The following MUC21 variants were observed in gnomAD, a reference collection of about 807,000 sequenced individuals.
MUC21 encodes the protein mucin-21.
Under a neutral mutation model 9.1 loss-of-function variants are expected in MUC21, and 8 were observed. The observed-to-expected ratio is 0.88, with a 90% CI of 0.52 to 1.59. MUC21 has a LOEUF of 1.59. MUC21 is among the 40% of genes most tolerant of loss of function. The probability of loss-of-function intolerance (pLI) is 0.00; values close to 1 mark genes in which losing one functional copy is unlikely to be tolerated. For synonymous variants in MUC21, 189 were observed against 275.2 expected (o/e 0.69, Z 3.10); for missense variants, 478 against 694.2 (o/e 0.69, Z 3.50).
rs1490727300 is a variant in MUC21, at chr6:30,987,599, T to C, written c.1424T>C (p.Leu475Pro). 6.2e-7 allele frequency: 1 copy of C among 1,614,224 alleles called. No individual in the cohort carries two copies. The highest frequency in any genetic ancestry group is 8.5e-7 in the Non-Finnish European group (1 of 1,180,040). The change falls in exon 2 of 3, where the codon CTG becomes CCG. Residue 475 changes from leucine to proline, a missense_variant. By Grantham distance (98) the Leu-to-Pro change is moderately conservative (BLOSUM62 -3). This residue lies in a region of MUC21 where 158 missense variants were observed against 192.6 expected (regional missense o/e 0.82). Transcript: ENST00000376296. Reference protein sequence around the residue: ...AVSEAKPGGSLVPWEIFLITL... With the variant: ...AVSEAKPGGSPVPWEIFLITL... ...AGTGAGGCGAAGCCTGGTGGGTCCC[T>C]GGTGCCGTGGGAAATCTTCCTCATC...
In MUC21 at chr6:30,988,185, C is replaced by G. The variant is rs745623665; in HGVS notation, c.1692C>G (p.Ser564Arg). The G allele has an allele frequency of 6.2e-7, 1 of 1,611,172 alleles. No homozygotes were observed. The highest frequency in any genetic ancestry group is 8.5e-7 in the Non-Finnish European group (1 of 1,179,576). ...CCATGGAGATGAGCGGGAGGAACAG[C>G]GGGCCCTGAGCAGCCCCGGAAGCAA... ...SIAMEMSGRN[S>R]GP The change falls in exon 3 of 3, where the codon AGC (serine) becomes AGG (arginine). Residue 564 changes from serine (S) to arginine (R), a missense_variant. Transcript: ENST00000376296.
intron 1 of MUC21, 28 bp from the exon 2 acceptor site, chr6:30,986,209 T>C (rs1377378010): frequency 1.9e-6 from 3 of 1,579,830 alleles, no homozygotes; most frequent in East Asian, 2.2e-5. Context: ...ACACACAATA[T>C]ATATTTGTCA....
intron 1 of MUC21, 148 bp from the exon 2 acceptor site, chr6:30,986,089 A>G: frequency 1.2e-6 from 1 of 810,756 alleles, no homozygotes; most frequent in Non-Finnish European, 1.9e-6. Context: ...TGAAGCCTCA[A>G]TTTCTTCATC....
At position 30,987,695 on chromosome 6, in the gene MUC21, A is replaced by G; in HGVS notation, c.1506+14A>G. The stretch of plus-strand genomic sequence containing the variant: ...TTCTTCTGTGTGGTGAGTGCCTAAT[A>G]TGTAAGAAAATGCCTGGGGGAAGGA... On this transcript the variant is annotated intron_variant, in intron 2 of 2. Coordinates refer to ENST00000376296, the MANE Select transcript of MUC21 (RefSeq NM_001010909.5). The G allele has an allele frequency of 6.2e-7, 1 of 1,607,740 alleles. No individual in the cohort carries two copies. The highest frequency in any genetic ancestry group is 1.1e-5 in the South Asian group (1 of 90,704).
At chr6:30,986,196 T>C in intron 1 of MUC21, 41 bp from the exon 2 acceptor site, 1 of 1,541,216 alleles carries the variant, frequency 6.5e-7, no homozygotes, top group Non-Finnish European at 8.8e-7. Context: ...GCAGAAAGTA[T>C]ATACACACAA....
At position 30,988,107 on chromosome 6, in the gene MUC21, C is replaced by G. The variant is rs568295420; in HGVS notation, c.1614C>G (p.His538Gln). Residue 538 changes from histidine (H) to glutamine (Q), a missense_variant, in exon 3 of 3, where the codon CAC becomes CAG. Transcript: ENST00000376296. ...PGPGGNHGAP[H>Q]RPRWSPNWFW... ...CTGGAGGGAATCATGGAGCCCCCCA[C>G]AGGCCCAGGTGGAGTCCTAACTGGT... 7.4e-6 allele frequency: 12 copies of G among 1,612,850 alleles called. No individual in the cohort carries two copies. The African/African-American group carries it at 1.6e-4, about 22-fold the overall frequency.
At chr6:30,984,161 G>C in intron 1 of MUC21, 142 bp downstream of exon 1, 1 of 608,758 alleles carries the variant, frequency 1.6e-6, no homozygotes, top group Non-Finnish European at 3.0e-6. Flanking sequence ...AGCCTAACAA[G>C]GTATGTCATG....
At position 30,987,637 on chromosome 6, in the gene MUC21, G is replaced by T. The variant is rs1304046276; in HGVS notation, c.1462G>T (p.Val488Phe). 1.9e-6 allele frequency: 3 copies of T among 1,614,108 alleles called. No individual in the cohort carries two copies. Among genetic ancestry groups the T allele is most frequent in the South Asian group, 2.2e-5 (2 of 91,078 alleles). Residue 488 changes from valine to phenylalanine, a missense_variant, in exon 2 of 3, where the codon GTT (valine) becomes TTT (phenylalanine). Val to Phe is a conservative substitution (Grantham distance 50). Transcript: ENST00000376296. The stretch of plus-strand genomic sequence containing the variant: ...AATCTTCCTCATCACCCTGGTCTCG[G>T]TTGTGGCGGCCGTGGGGCTCTTTGC... ...WEIFLITLVSVVAAVGLFAGL... is the reference protein window; with the variant it reads ...WEIFLITLVSFVAAVGLFAGL...
At position 30,984,828 on chromosome 6, in the gene MUC21, AGCCTGGCGGGGTGGCTTAT is replaced by A. The variant is rs539059181; in HGVS notation, c.61+815_61+833del. 1.9e-3 allele frequency among the ~76,000 whole-genome samples: 281 copies of A among 150,140 alleles called. 1 individual carries two copies. Among genetic ancestry groups the A allele is most frequent in the African/African-American group, 6.2e-3 (252 of 40,722 alleles). ...CATCTCTACTAAAAGTACAAAAATTAGCCTGGCGGGGTGGCTTATGCCTGTAATCCTAGCTACTCAGGAG... is the reference window on the plus strand; with the variant it reads ...CATCTCTACTAAAAGTACAAAAATTAGCCTGTAATCCTAGCTACTCAGGAG... On this transcript the variant is annotated intron_variant, in intron 1 of 2. Coordinates refer to ENST00000376296, the MANE Select transcript of MUC21 (RefSeq NM_001010909.5).
Position 30,988,321 on chromosome 6 carries a change from A to G in MUC21, c.*127A>G, listed in dbSNP as rs1382486142. The G allele has an allele frequency of 6.1e-6, 5 of 822,384 alleles. No homozygotes were observed. The East Asian group carries it at 1.3e-4, about 22-fold the overall frequency. The allele number at this position is 822,384 out of a possible 1,614,324, so 50.9% of individuals were successfully genotyped here. A position where few individuals can be genotyped will look rare whatever the true frequency, so the allele number is the denominator to read the frequency against. ...GTTTGAGATCCTGAAAATCTTGAAG[A>G]AGGTATTCCTCACCTTTCTTGCCTT... On this transcript the variant is annotated 3_prime_UTR_variant, in exon 3 of 3. Transcript: ENST00000376296.
Position 30,987,005 on chromosome 6 carries a change from C to T in MUC21, c.830C>T (p.Thr277Ile), listed in dbSNP as rs147069023. 12 of 1,604,608 alleles carry T rather than the reference C, an allele frequency of 7.5e-6. No individual in the cohort carries two copies. The African/African-American group carries it at 1.5e-4, about 20-fold the overall frequency. The change falls in exon 2 of 3, where the codon ACA becomes ATA. Residue 277 changes from threonine (T) to isoleucine (I), a missense_variant. Coordinates refer to ENST00000376296, the MANE Select transcript of MUC21 (RefSeq NM_001010909.5). ...AGTATNSESSTVSSGISTVTN... is the reference protein window; with the variant it reads ...AGTATNSESSIVSSGISTVTN... Reference sequence around the variant, plus strand: ...ACAGCCACCAACTCTGAGTCCAGCACAGTGTCCAGTGGGATCAGCACAGTC... The same window carrying T: ...ACAGCCACCAACTCTGAGTCCAGCATAGTGTCCAGTGGGATCAGCACAGTC...
intron 1 of MUC21, 96 bp downstream of exon 1, chr6:30,984,115 A>G (rs1001610464): frequency 1.4e-6 from 1 of 727,440 alleles, no homozygotes; most frequent in Non-Finnish European, 2.6e-6. Context: ...CTTCTCTTCC[A>G]TAGAGTGAGG....
At position 30,988,398 on chromosome 6, in the gene MUC21, A is replaced by G; in HGVS notation, c.*204A>G. The stretch of plus-strand genomic sequence containing the variant: ...TATTGCTCATTTAGCTAAGAAATAA[A>G]TACATCTCATCTAACACACACGACA... On this transcript the variant is annotated 3_prime_UTR_variant, in exon 3 of 3. Transcript: ENST00000376296. The G allele has an allele frequency of 1.8e-6, 1 of 560,324 alleles. No individual in the cohort carries two copies. The highest frequency in any genetic ancestry group is 3.3e-5 in the Admixed American group (1 of 30,392). 34.7% of individuals were successfully genotyped at this position (560,324 alleles called of 1,614,324 possible). A position where few individuals can be genotyped will look rare whatever the true frequency, so the allele number is the denominator to read the frequency against.
In MUC21 at chr6:30,986,993, C is replaced by G. The variant is rs267600949; in HGVS notation, c.818C>G (p.Ser273Cys). 11 of 1,605,338 alleles carry G rather than the reference C, an allele frequency of 6.9e-6. No homozygotes were observed. Among genetic ancestry groups the G allele is most frequent in the Non-Finnish European group, 9.4e-6 (11 of 1,174,518 alleles). Residue 273 changes from serine (S) to cysteine (C), a missense_variant, in exon 2 of 3, where the codon TCT becomes TGT. Physicochemically the swap from Ser to Cys is moderately radical, Grantham distance 112 (BLOSUM62 -1). Transcript: ENST00000376296. ...TSSGAGTATN[S>C]ESSTVSSGIS... ...AGTGGGGCCGGCACAGCCACCAACTCTGAGTCCAGCACAGTGTCCAGTGGG... is the reference window on the plus strand; with the variant it reads ...AGTGGGGCCGGCACAGCCACCAACTGTGAGTCCAGCACAGTGTCCAGTGGG...
At chr6:30,984,093 G>A in intron 1 of MUC21, 74 bp downstream of exon 1, 1 of 757,426 alleles carries the variant, frequency 1.3e-6, no homozygotes, top group Non-Finnish European at 2.5e-6. Flanking sequence ...ACCACTACTG[G>A]GGCCAGCTCT....
Position 30,987,044 on chromosome 6 carries a change from C to T in MUC21, c.869C>T (p.Ser290Phe), listed in dbSNP as rs1762359343. The T allele has an allele frequency of 6.2e-7, 1 of 1,606,204 alleles. No individual in the cohort carries two copies. The highest frequency in any genetic ancestry group is 8.5e-7 in the Non-Finnish European group (1 of 1,175,110). ...ATCAGCACAGTCACCAATTCTGAGT[C>T]CAGCACACCCTCCAGTGGGGCCAAC... Reference protein sequence around the residue: ...SGISTVTNSESSTPSSGANTA... With the variant: ...SGISTVTNSEFSTPSSGANTA... Residue 290 changes from serine (S) to phenylalanine (F), a missense_variant, in exon 2 of 3, where the codon TCC (serine) becomes TTC (phenylalanine). Ser to Phe is a radical substitution (Grantham distance 155, BLOSUM62 -2). This residue lies in a region of MUC21 where 155 missense variants were observed against 235.2 expected (regional missense o/e 0.66). Transcript: ENST00000376296.
chr6:30,988,483 G>C lies in MUC21; in HGVS notation c.*289G>C. 2.6e-6 allele frequency: 1 copy of C among 378,944 alleles called. No individual in the cohort carries two copies. The highest frequency in any genetic ancestry group is 4.6e-6 in the Non-Finnish European group (1 of 215,448). 23.5% of individuals were successfully genotyped at this position (378,944 alleles called of 1,614,324 possible). On this transcript the variant is annotated 3_prime_UTR_variant, in exon 3 of 3. Transcript: ENST00000376296. ...AGCTCTGAGATGAACTCAGTTATAG[G>C]AGAAAACCTCCATGCTGGACTCCAT... is the stretch of plus-strand genomic sequence containing the variant.
chr6:30,985,303 T>C (rs1362181710), intron 1 of MUC21, among the ~76,000 whole-genome samples: 3 of 152,222 alleles, frequency 2.0e-5, no homozygotes, highest in Non-Finnish European at 4.4e-5. Flanking sequence ...TCTCTAGCCT[T>C]GGCCATAGTG....
Position 30,987,260 on chromosome 6 carries a change from A to G in MUC21, c.1085A>G (p.Asn362Ser), listed in dbSNP as rs552882169. ...TTSSGASTAT[N>S]SGSSTTSSGT... is the part of the protein sequence containing the mutation. ...TCCAGTGGGGCCAGCACAGCCACCA[A>G]CTCTGGGTCCAGCACGACCTCCAGT... Residue 362 changes from asparagine to serine, a missense_variant, in exon 2 of 3, where the codon AAC (asparagine) becomes AGC (serine). Physicochemically the swap from Asn to Ser is conservative, Grantham distance 46. This residue lies in a region of MUC21 where 155 missense variants were observed against 235.2 expected (regional missense o/e 0.66). Coordinates refer to ENST00000376296, the MANE Select transcript of MUC21 (RefSeq NM_001010909.5). 1.5e-5 allele frequency: 23 copies of G among 1,567,748 alleles called. 2 individuals carry two copies. The East Asian group carries it at 4.6e-4, about 31-fold the overall frequency.
Sources: allele counts gnomAD v4.1 joint callset (sites outside exome capture counted in the v4.1 genomes callset), GRCh38; gene constraint gnomAD v4.1.1; regional missense constraint gnomAD v4.1.1; transcripts MANE v1.5; gene names NCBI Gene and HGNC (gene_info 2026-07-23, HGNC 2026-07-21).